The following RNF125 variants were observed in gnomAD, a reference collection of about 807,000 sequenced individuals.
RNF125 encodes the protein E3 ubiquitin-protein ligase RNF125.
Under a neutral mutation model 26.0 loss-of-function variants are expected in RNF125, and 21 were observed. That is an observed-to-expected ratio of 0.81 (90% CI 0.57 to 1.16). The LOEUF (loss-of-function observed/expected upper bound fraction) is 1.16, where lower values mean the gene tolerates loss of function less well. Ranked by LOEUF, RNF125 falls within the 50% of genes most tolerant of loss-of-function variation. The pLI, the probability that RNF125 is intolerant of heterozygous loss-of-function variation, is 0.00. For synonymous variants in RNF125, 95 were observed against 109.2 expected (o/e 0.87, Z 0.81); for missense variants, 270 against 299.4 (o/e 0.90, Z 0.72).
downstream of RNF125, among the ~76,000 whole-genome samples, chr18:32,073,628 C>T (rs983047031): frequency 3.3e-5 from 5 of 152,198 alleles, no homozygotes; most frequent in African/African-American, 1.2e-4. Flanking sequence ...ATAGATTCTT[C>T]CCCCTGCTAA....
intron 4 of RNF125, among the ~76,000 whole-genome samples, chr18:32,049,195 A>G (rs1408546807): frequency 6.6e-6 from 1 of 152,330 alleles, no homozygotes; most frequent in African/African-American, 2.4e-5. Context: ...ACAGGTCTTC[A>G]GGGTCATTGA....
At chr18:32,045,571 A>C (rs760452342) in intron 3 of RNF125, 71 bp from the exon 4 acceptor site, 10 of 1,078,272 alleles carry the variant, frequency 9.3e-6, no homozygotes, top group African/African-American at 1.7e-5. Flanking sequence ...CAAAAAAAAA[A>C]AGAAAAAAAA....
Position 32,055,230 on chromosome 18 carries a change from T to G in RNF125, c.504+9498T>G, listed in dbSNP as rs532855276. ...GGGAGGATCCCTTAAGCCCAGGAGT[T>G]TGAGGCTGCAGTGAGCTATGATGGC... On this transcript the variant is annotated intron_variant, in intron 4 of 5. Coordinates refer to ENST00000217740, the MANE Select transcript of RNF125 (RefSeq NM_017831.4). 7.9e-5 allele frequency among the ~76,000 whole-genome samples: 12 copies of G among 151,420 alleles called. No homozygotes were observed. The South Asian group carries it at 2.5e-3, about 32-fold the overall frequency.
chr18:32,081,719 T>C, the RNF125 span, among the ~76,000 whole-genome samples: 100 of 152,340 alleles, frequency 6.6e-4, no homozygotes, highest in Admixed American at 1.8e-3. Flanking sequence ...AAATCTATTA[T>C]AATTTAAAAT....
Position 32,068,445 on chromosome 18 carries a change from C to G in RNF125, c.*61C>G. On this transcript the variant is annotated 3_prime_UTR_variant, in exon 6 of 6. Coordinates refer to ENST00000217740, the MANE Select transcript of RNF125 (RefSeq NM_017831.4). ...TGCACCATTTAAGATGCTGCTTGAA[C>G]AAATGGGAGGGAAGTTGTCAATGAT... The G allele has an allele frequency of 1.1e-6, 1 of 947,286 alleles. No individual in the cohort carries two copies. Among genetic ancestry groups the G allele is most frequent in the Non-Finnish European group, 1.7e-6 (1 of 580,754 alleles). The allele number at this position is 947,286 out of a possible 1,614,324, so 58.7% of individuals were successfully genotyped here. A position where few individuals can be genotyped will look rare whatever the true frequency, so the allele number is the denominator to read the frequency against.
chr18:32,084,071 A>G, the RNF125 span, among the ~76,000 whole-genome samples: 65 of 151,274 alleles, frequency 4.3e-4, no homozygotes, highest in Middle Eastern at 3.4e-3. Flanking sequence ...TTAAAAAACA[A>G]CTGACCAGGT....
intron 4 of RNF125, among the ~76,000 whole-genome samples, chr18:32,053,708 C>T (rs1361145179): frequency 4.0e-5 from 6 of 150,840 alleles, no homozygotes; most frequent in Non-Finnish European, 1.5e-5. Context: ...GTAGAGGCTG[C>T]AGTGAGCAGA....
chr18:32,068,256 C>T (rs2039502080), intron 5 of RNF125, 42 bp from the exon 6 acceptor site: 6 of 1,105,274 alleles, frequency 5.4e-6, no homozygotes, highest in African/African-American at 1.6e-5. Flanking sequence ...TTCTGAAATA[C>T]TATTGACTCT....
At chr18:32,090,052 C>T in the RNF125 span, among the ~76,000 whole-genome samples, 1 of 152,194 alleles carries the variant, frequency 6.6e-6, no homozygotes. Context: ...TCGAGACTAG[C>T]CTGGCCAACA....
the RNF125 span, among the ~76,000 whole-genome samples, chr18:32,081,121 G>A: frequency 5.3e-5 from 8 of 149,782 alleles, no homozygotes; most frequent in Non-Finnish European, 1.0e-4. Context: ...TTGCATCCGG[G>A]AGGCAGAGGT....
intron 2 of RNF125, chr18:32,041,890 AAAGT>A (rs2039223575): frequency 3.9e-6 from 1 of 257,190 alleles, no homozygotes; most frequent in Non-Finnish European, 7.6e-6. Context: ...TCGGCCTCCC[AAAGT>A]GCTGGGATTA....
chr18:32,075,571 T>C (rs943322535), downstream of RNF125, among the ~76,000 whole-genome samples: 2 of 151,420 alleles, frequency 1.3e-5, no homozygotes, highest in African/African-American at 2.4e-5. Context: ...TGCATGCCTG[T>C]AATCCCAGCT....
At position 32,064,257 on chromosome 18, in the gene RNF125, T is replaced by C. The variant is rs556453276; in HGVS notation, c.505-1645T>C. 2.9e-3 allele frequency among the ~76,000 whole-genome samples: 439 copies of C among 152,210 alleles called. 1 individual carries two copies. The highest frequency in any genetic ancestry group is 0.02 in the Middle Eastern group (6 of 294). ...TGATCCACCTCCCAAAGTGCTGGGA[T>C]GACAGGCATGAGCCACGGCGCCCAG... On this transcript the variant is annotated intron_variant, in intron 4 of 5. Coordinates refer to ENST00000217740, the MANE Select transcript of RNF125 (RefSeq NM_017831.4).
chr18:32,066,043 T>C (rs760740211), intron 5 of RNF125, 34 bp downstream of exon 5: 1 of 1,344,882 alleles, frequency 7.4e-7, no homozygotes, highest in East Asian at 2.3e-5. Context: ...CATTATGTTT[T>C]CATGCTGTCT....
Position 32,068,947 on chromosome 18 carries a change from G to C in RNF125, c.*563G>C, listed in dbSNP as rs1428249802. ...GCGGTGGCTTACGCTTGTAATCCCAGCACTTTGGGAGGCTGAAGCAGGCGG... is the reference window on the plus strand; with the variant it reads ...GCGGTGGCTTACGCTTGTAATCCCACCACTTTGGGAGGCTGAAGCAGGCGG... On this transcript the variant is annotated 3_prime_UTR_variant, in exon 6 of 6. Transcript: ENST00000217740. The C allele has an allele frequency of 1.3e-5, 2 of 152,372 alleles. No homozygotes were observed. Among genetic ancestry groups the C allele is most frequent in the African/African-American group, 4.8e-5 (2 of 41,434 alleles). The allele number at this position is 152,372 out of a possible 1,614,324, so 9.4% of individuals were successfully genotyped here.
the RNF125 span, among the ~76,000 whole-genome samples, chr18:32,089,169 C>T: frequency 1.3e-4 from 20 of 152,230 alleles, no homozygotes; most frequent in Middle Eastern, 3.4e-3. Flanking sequence ...GAGACAGGTC[C>T]GAGCAATCTT....
chr18:32,087,474 C>G, the RNF125 span, among the ~76,000 whole-genome samples: 1 of 151,788 alleles, frequency 6.6e-6, no homozygotes, highest in Non-Finnish European at 1.5e-5. Context: ...GGATCTGACA[C>G]TGTCTCTGGG....
At chr18:32,032,816 GC>G (rs1300994221) in intron 1 of RNF125, among the ~76,000 whole-genome samples, 1 of 151,934 alleles carries the variant, frequency 6.6e-6, no homozygotes, top group Non-Finnish European at 1.5e-5. Context: ...CCGAGATTGC[GC>G]CATTGCAGCC....
downstream of RNF125, chr18:32,076,022 G>C: frequency 2.3e-6 from 2 of 857,646 alleles, no homozygotes; most frequent in South Asian, 1.3e-5. Flanking sequence ...CATTTTTCTA[G>C]ATCTTTGAGT....
Sources: gnomAD v4.1 joint callset for allele counts (sites outside exome capture counted in the v4.1 genomes callset) on GRCh38, gnomAD v4.1.1 for gene constraint, MANE v1.5 for transcripts, NCBI Gene and HGNC (gene_info 2026-07-23, HGNC 2026-07-21) for gene names.